HMCN1: variants seen among roughly 807,000 people sequenced by gnomAD.
HMCN1 encodes the protein hemicentin 1, also known as hemicentin-1.
In HMCN1, 321 loss-of-function variants were observed where a neutral mutation model predicts 625.9. The ratio of observed to expected loss-of-function variants is 0.51; its 90% CI spans 0.47 to 0.56. The LOEUF (loss-of-function observed/expected upper bound fraction) is 0.56. Ranked by LOEUF, HMCN1 falls within the 20% of genes least tolerant of loss-of-function variation. The probability of loss-of-function intolerance (pLI) is 0.00; values close to 1 mark genes in which losing one functional copy is unlikely to be tolerated. For synonymous variants in HMCN1, 2,425 were observed against 2,417.6 expected, an observed-to-expected ratio of 1.00 and a Z score of -0.09; for missense variants, 6,588 against 6,887.3, an observed-to-expected ratio of 0.96 and a Z score of 1.54.
chr1:186,090,437 T>C (rs768430475), intron 63 of HMCN1, among the ~76,000 whole-genome samples: 1 of 151,942 alleles, frequency 6.6e-6, no homozygotes, highest in Non-Finnish European at 1.5e-5. Flanking sequence ...ACCTATGTGC[T>C]TGTGGTTCTT....
intron 1 of HMCN1, among the ~76,000 whole-genome samples, chr1:185,771,977 T>C (rs1001157150): frequency 6.6e-6 from 1 of 152,130 alleles, no homozygotes; most frequent in Non-Finnish European, 1.5e-5. Context: ...AATGAAATAA[T>C]GCGTGAGAAG....
rs564680371 is a variant in HMCN1, at chr1:185,782,389, A to G, written c.268+47342A>G. Among the ~76,000 whole-genome samples, 95 of 152,270 alleles carry G rather than the reference A, an allele frequency of 6.2e-4. No individual in the cohort carries two copies. The Middle Eastern group carries it at 0.017, about 27-fold the overall frequency. On this transcript the variant is annotated intron_variant, in intron 1 of 106. Transcript: ENST00000271588. ...TATGTGTGAATGTGATCCTGTCTTT[A>G]TGATGTTAGCTGGTTATTTTGCTCA...
chr1:185,954,186 G>T (rs565499769), intron 11 of HMCN1, among the ~76,000 whole-genome samples: 4 of 152,104 alleles, frequency 2.6e-5, no homozygotes, highest in African/African-American at 9.7e-5. Context: ...CAGGGGATGC[G>T]ATGGCTTGGC....
chr1:185,936,542 T>C (rs1310977938), intron 11 of HMCN1, among the ~76,000 whole-genome samples: 7 of 152,282 alleles, frequency 4.6e-5, no homozygotes, highest in African/African-American at 1.7e-4. Context: ...AAAAAGAAAA[T>C]GTTACTCTTT....
intron 38 of HMCN1, 96 bp from the exon 39 acceptor site, chr1:186,039,632 A>G: frequency 1.5e-6 from 2 of 1,331,044 alleles, no homozygotes; most frequent in Non-Finnish European, 2.2e-6. Context: ...CCCTCCAATA[A>G]GAACATAATA....
At chr1:186,161,559 C>T (rs1202995467) in intron 97 of HMCN1, among the ~76,000 whole-genome samples, 1 of 151,794 alleles carries the variant, frequency 6.6e-6, no homozygotes, top group African/African-American at 2.4e-5. Flanking sequence ...CAGCTGGTAC[C>T]AGTTGTTCCT....
At chr1:186,156,487 A>G (rs140979172) in intron 97 of HMCN1, among the ~76,000 whole-genome samples, 1 of 152,342 alleles carries the variant, frequency 6.6e-6, no homozygotes, top group East Asian at 1.9e-4. Context: ...TCTGACTATA[A>G]CAAGGGTGAC....
At chr1:185,792,251 A>C (rs993040216) in intron 1 of HMCN1, among the ~76,000 whole-genome samples, 9 of 152,242 alleles carry the variant, frequency 5.9e-5, no homozygotes, top group Non-Finnish European at 1.2e-4. Flanking sequence ...CATAGCATTC[A>C]TCAATTTTCT....
chr1:185,866,397 A>ATTTTTTTT (rs969071873), intron 4 of HMCN1, among the ~76,000 whole-genome samples: 4 of 102,600 alleles, frequency 3.9e-5, no homozygotes, highest in South Asian at 3.1e-4. Context: ...GTTTGTCATA[A>ATTTTTTTT]TTTTTTTTTT....
intron 4 of HMCN1, among the ~76,000 whole-genome samples, chr1:185,905,815 T>A (rs1243259520): frequency 6.6e-6 from 1 of 151,848 alleles, no homozygotes; most frequent in African/African-American, 2.4e-5. Context: ...AGAATCCAAC[T>A]TGTTAGAGTT....
At chr1:185,845,872 G>T (rs1223413194) in intron 1 of HMCN1, among the ~76,000 whole-genome samples, 154 bp from the exon 2 acceptor site, 1 of 152,124 alleles carries the variant, frequency 6.6e-6, no homozygotes, top group African/African-American at 2.4e-5. Flanking sequence ...TTATTCTCTG[G>T]TAGCTACAAA....
rs932685607 is a variant in HMCN1 at position 185,965,899 on chromosome 1, A to G, written c.2196A>G (p.Gln732=). 12 of 1,581,160 alleles carry G rather than the reference A, an allele frequency of 7.6e-6. No homozygotes were observed. Among genetic ancestry groups the G allele is most frequent in the African/African-American group, 4.0e-5 (3 of 74,208 alleles). Residue 732 remains glutamine, a synonymous_variant, in exon 14 of 107, where the codon CAA becomes CAG. Transcript: ENST00000271588. The stretch of plus-strand genomic sequence containing the variant: ...AAACCTCTGGTATTCCTCCACCTCA[A>G]GTTAAATGGTTCAAAGGTACATTTC... ...ECKTSGIPPP[Q]VKWFKGDLEL...
At chr1:185,856,089 AT>A (rs757951444) in intron 2 of HMCN1, among the ~76,000 whole-genome samples, 91 of 152,328 alleles carry the variant, frequency 6.0e-4, no homozygotes, top group Non-Finnish European at 1.2e-3. Context: ...GCAACTTTAA[AT>A]TTGATTCAAT....
At chr1:186,031,814 A>G (rs1016065045) in intron 36 of HMCN1, among the ~76,000 whole-genome samples, 1 of 151,944 alleles carries the variant, frequency 6.6e-6, no homozygotes, top group African/African-American at 2.4e-5. Context: ...TACACTTTAG[A>G]ATTTTCATTT....
chr1:185,797,992 A>AT, intron 1 of HMCN1, among the ~76,000 whole-genome samples: 1 of 127,064 alleles, frequency 7.9e-6, no homozygotes, highest in Non-Finnish European at 1.5e-5. Flanking sequence ...AAAAAAAAAA[A>AT]AAAAGACTTG....
chr1:186,001,907 TA>T (rs537709475), intron 28 of HMCN1, among the ~76,000 whole-genome samples, 166 bp downstream of exon 28: 1 of 152,108 alleles, frequency 6.6e-6, no homozygotes, highest in Non-Finnish European at 1.5e-5. Flanking sequence ...CCATATGATA[TA>T]GAAATTTTAA....
intron 5 of HMCN1, 43 bp downstream of exon 5, chr1:185,909,551 A>G: frequency 2.0e-6 from 3 of 1,526,184 alleles, no homozygotes; most frequent in Non-Finnish European, 2.7e-6. Context: ...CAAAATACAT[A>G]GAGGGTAAAA....
chr1:185,881,176 G>A (rs1414516443), intron 4 of HMCN1, among the ~76,000 whole-genome samples: 1 of 152,242 alleles, frequency 6.6e-6, no homozygotes, highest in Non-Finnish European at 1.5e-5. Context: ...CAGTGTGACA[G>A]CCTTTCATAT....
At chr1:185,951,390 A>G (rs1571607085) in intron 11 of HMCN1, among the ~76,000 whole-genome samples, 1 of 151,666 alleles carries the variant, frequency 6.6e-6, no homozygotes, top group East Asian at 1.9e-4. Context: ...AATACCCACA[A>G]CAGTTATGGA....
Sources: allele counts gnomAD v4.1 joint callset (sites outside exome capture counted in the v4.1 genomes callset), GRCh38; gene constraint gnomAD v4.1.1; transcripts MANE v1.5; gene names NCBI Gene and HGNC (gene_info 2026-07-23, HGNC 2026-07-21).